The following ZNF777 variants were observed in gnomAD, a reference collection of about 807,000 sequenced individuals.
ZNF777 encodes the protein zinc finger protein 777.
Under a neutral mutation model 72.1 loss-of-function variants are expected in ZNF777, and 7 were observed. The ratio of observed to expected loss-of-function variants is 0.10; its 90% CI spans 0.06 to 0.18. The LOEUF is 0.18. Ranked by LOEUF, ZNF777 falls within the 10% of genes least tolerant of loss-of-function variation. ZNF777 has a pLI of 1.00. For synonymous variants in ZNF777, 545 were observed against 483.5 expected (o/e 1.13, Z -1.67); for missense variants, 828 against 1,128.6 (o/e 0.73, Z 3.82).
intron 4 of ZNF777, among the ~76,000 whole-genome samples, chr7:149,447,388 C>T (rs1436252273): frequency 6.6e-6 from 1 of 152,206 alleles, no homozygotes; most frequent in Non-Finnish European, 1.5e-5. Context: ...TTTGATGTCT[C>T]ACAGGGATCT....
At position 149,432,476 on chromosome 7, in the gene ZNF777, C is replaced by T. The variant is rs1168947564; in HGVS notation, c.1796G>A (p.Arg599His). ...LTLHQRIHRV[R>H]GGCVSPERGP... ...GCGTTCGGGTGAGACGCAGCCTCCG[C>T]GCACGCGGTGGATGCGCTGGTGCAG... Residue 599 changes from arginine to histidine, a missense_variant, in exon 6 of 6, where the codon CGC becomes CAC. This residue lies in a region of ZNF777 where 100 missense variants were observed against 106.2 expected (regional missense o/e 0.94). Transcript: ENST00000247930. The T allele has an allele frequency of 2.5e-6, 4 of 1,613,574 alleles. No individual in the cohort carries two copies. In the African/African-American group the frequency reaches 5.3e-5, roughly 22 times the overall value.
At chr7:149,447,152 C>A (rs1434826277) in intron 4 of ZNF777, among the ~76,000 whole-genome samples, 2 of 152,276 alleles carry the variant, frequency 1.3e-5, no homozygotes, top group East Asian at 3.9e-4. Flanking sequence ...ATCCGGGCCC[C>A]ATCATGAACA....
At chr7:149,447,851 C>T (rs754776379) in intron 4 of ZNF777, among the ~76,000 whole-genome samples, 90 of 151,992 alleles carry the variant, frequency 5.9e-4, no homozygotes, top group Non-Finnish European at 1.1e-3. Flanking sequence ...AGCTGGTGCC[C>T]GTGCTTTCAT....
chr7:149,456,561 C>T (rs747586104), intron 1 of ZNF777, among the ~76,000 whole-genome samples: 7 of 152,174 alleles, frequency 4.6e-5, no homozygotes, highest in Non-Finnish European at 1.0e-4. Context: ...ACTTACTATC[C>T]CACATCTCCC....
At chr7:149,434,534 G>T (rs374947048) in intron 5 of ZNF777, among the ~76,000 whole-genome samples, 53 of 152,288 alleles carry the variant, frequency 3.5e-4, no homozygotes, top group African/African-American at 1.3e-3. Context: ...AATAGATCCT[G>T]AGAAGCACTA....
chr7:149,456,099 A>G, intron 1 of ZNF777, 62 bp from the exon 2 acceptor site: 1 of 1,496,824 alleles, frequency 6.7e-7, no homozygotes, highest in Non-Finnish European at 8.9e-7. Flanking sequence ...AGCAAAATAA[A>G]ACCCAAAGAC....
At chr7:149,457,727 G>A (rs1247680693) in intron 1 of ZNF777, among the ~76,000 whole-genome samples, 2 of 152,188 alleles carry the variant, frequency 1.3e-5, no homozygotes, top group East Asian at 1.9e-4. Flanking sequence ...AGACATGAGC[G>A]CTAATCAGCT....
chr7:149,450,151 G>C (rs565374032), intron 4 of ZNF777, among the ~76,000 whole-genome samples: 1 of 152,328 alleles, frequency 6.6e-6, no homozygotes, highest in South Asian at 2.1e-4. Context: ...ACAAGGATCA[G>C]CTTCTGCTGA....
intron 4 of ZNF777, among the ~76,000 whole-genome samples, chr7:149,443,813 A>C (rs915221214): frequency 6.6e-6 from 1 of 152,240 alleles, no homozygotes; most frequent in South Asian, 2.1e-4. Flanking sequence ...GGCTAATCTC[A>C]AACTCCTGAC....
intron 5 of ZNF777, among the ~76,000 whole-genome samples, chr7:149,434,207 C>A (rs1331063360): frequency 6.6e-6 from 1 of 152,172 alleles, no homozygotes; most frequent in Non-Finnish European, 1.5e-5. Context: ...CCTGGTCTAC[C>A]TCCTCAAGTA....
chr7:149,432,472 T>A lies in ZNF777; in HGVS notation c.1800A>T (p.Gly600=), dbSNP rs1799330308. The A allele has an allele frequency of 1.9e-6, 3 of 1,613,562 alleles. No homozygotes were observed. The East Asian group carries it at 6.7e-5, about 36-fold the overall frequency. The change falls in exon 6 of 6, where the codon GGA becomes GGT. Residue 600 remains glycine, a synonymous_variant. Coordinates refer to ENST00000247930, the MANE Select transcript of ZNF777 (RefSeq NM_015694.3). ...GCCCGCGTTCGGGTGAGACGCAGCC[T>A]CCGCGCACGCGGTGGATGCGCTGGT... ...TLHQRIHRVR[G]GCVSPERGPT...
At chr7:149,450,939 C>A in intron 4 of ZNF777, 60 bp downstream of exon 4, 1 of 1,469,108 alleles carries the variant, frequency 6.8e-7, no homozygotes. Context: ...CTCATGCTGG[C>A]GCTTCCTGAG....
intron 1 of ZNF777, 102 bp from the exon 2 acceptor site, chr7:149,456,139 G>A (rs921750678): frequency 4.6e-6 from 6 of 1,311,100 alleles, no homozygotes; most frequent in Non-Finnish European, 5.0e-6. Flanking sequence ...GCTTCCGTTT[G>A]GTAGCAATAA....
rs1456915150 is a variant in ZNF777, at chr7:149,432,056, T to C, written c.2216A>G (p.Asn739Ser). 2 of 1,606,530 alleles carry C rather than the reference T, an allele frequency of 1.2e-6. No homozygotes were observed. Among genetic ancestry groups the C allele is most frequent in the Admixed American group, 1.7e-5 (1 of 59,982 alleles). Residue 739 changes from asparagine (N) to serine (S), a missense_variant, in exon 6 of 6, where the codon AAC (asparagine) becomes AGC (serine). Physicochemically the swap from Asn to Ser is conservative, Grantham distance 46. Transcript: ENST00000247930. ...CTCGCGCGAGTGCACGCGGCAGTGG[T>C]TGGTGAGCTTGGACTTCTCGCTGAA... Reference protein sequence around the residue: ...KSFSEKSKLTNHCRVHSRERP... With the variant: ...KSFSEKSKLTSHCRVHSRERP...
At chr7:149,459,661 C>T in intron 1 of ZNF777, 1 of 985,210 alleles carries the variant, frequency 1.0e-6, no homozygotes, top group Middle Eastern at 5.2e-4. Context: ...TGCCTTGCTA[C>T]GTGACCTTGG....
rs1446722257 is a variant in ZNF777 at position 149,455,654 on chromosome 7, G to A, written c.369C>T (p.His123=). Residue 123 remains histidine (H), a synonymous_variant, in exon 2 of 6, where the codon CAC becomes CAT. Transcript: ENST00000247930. This position sits in a 1 kb window ranked among gnomAD's most constrained non-coding sequence, Gnocchi z 4.2. Reference sequence around the variant, plus strand: ...GGGAGTGAACGGGGGCTTCCTGGTGGTGGGGGGAGTGGGAGAGAAGGGAGA... The same window carrying A: ...GGGAGTGAACGGGGGCTTCCTGGTGATGGGGGGAGTGGGAGAGAAGGGAGA... The part of the protein sequence containing the change: ...QEVSLLSHSP[H]HQEAPVHSPE... The A allele has an allele frequency of 2.6e-6, 4 of 1,564,594 alleles. No homozygotes were observed. The highest frequency in any genetic ancestry group is 1.9e-5 in the Admixed American group (1 of 51,778).
In ZNF777 at chr7:149,431,687, C is replaced by T; in HGVS notation, c.*89G>A. ...ACGGCAAAGGGGCTGGGGGGCGCCC[C>T]GCCCCCGCCCGCTGGGCTCGGGCCT... is the stretch of plus-strand genomic sequence containing the variant. On this transcript the variant is annotated 3_prime_UTR_variant, in exon 6 of 6. Coordinates refer to ENST00000247930, the MANE Select transcript of ZNF777 (RefSeq NM_015694.3). 8.8e-7 allele frequency: 1 copy of T among 1,138,874 alleles called. No homozygotes were observed. The highest frequency in any genetic ancestry group is 1.1e-6 in the Non-Finnish European group (1 of 920,814). 70.5% of individuals were successfully genotyped at this position (1,138,874 alleles called of 1,614,324 possible).
In ZNF777 at chr7:149,432,064, C is replaced by T. The variant is rs1271235627; in HGVS notation, c.2208G>A (p.Lys736=). ...AGTGCACGCGGCAGTGGTTGGTGAG[C>T]TTGGACTTCTCGCTGAAGCTCTTCT... is the stretch of plus-strand genomic sequence containing the variant. ...ECEKSFSEKS[K]LTNHCRVHSR... The change falls in exon 6 of 6, where the codon AAG becomes AAA. Residue 736 remains lysine, a synonymous_variant. Coordinates refer to ENST00000247930, the MANE Select transcript of ZNF777 (RefSeq NM_015694.3). The T allele has an allele frequency of 2.5e-6, 4 of 1,605,392 alleles. No individual in the cohort carries two copies. The African/African-American group carries it at 5.4e-5, about 22-fold the overall frequency.
chr7:149,434,645 C>T (rs1042362668), intron 5 of ZNF777, among the ~76,000 whole-genome samples: 7 of 152,100 alleles, frequency 4.6e-5, no homozygotes, highest in Admixed American at 2.0e-4. Flanking sequence ...TGCAGTGGCA[C>T]GATCTCGGTT....
Sources: gnomAD v4.1 joint callset for allele counts (sites outside exome capture counted in the v4.1 genomes callset) on GRCh38, gnomAD v4.1.1 for gene constraint, gnomAD v4.1.1 regional missense constraint, Gnocchi (gnomAD v3.1) non-coding constraint, MANE v1.5 for transcripts, NCBI Gene and HGNC (gene_info 2026-07-23, HGNC 2026-07-21) for gene names.